ALG1L2: variants seen among roughly 807,000 people sequenced by gnomAD.
The protein encoded by ALG1L2 is ALG1 chitobiosyldiphosphodolichol beta-mannosyltransferase like 2.
Under a neutral mutation model 29.0 loss-of-function variants are expected in ALG1L2, and 32 were observed. The observed-to-expected ratio is 1.10, with a 90% CI of 0.83 to 1.48. The LOEUF (loss-of-function observed/expected upper bound fraction) is 1.48. Among genes scored for constraint, ALG1L2 ranks in the 40% most tolerant of loss-of-function variants. The pLI is 0.00. For missense variants in ALG1L2, 318 were observed against 274.1 expected (o/e 1.16, Z -1.13); for synonymous variants, 110 against 109.5 (o/e 1.00, Z -0.03).
Position 130,094,474 on chromosome 3 carries a change from A to T in ALG1L2, c.385A>T (p.Ile129Phe). ...GCATTTCCAGCACATCCAGGTCTGC[A>T]TCCCCTGGCTGGAGGGCCGAGGACT... ...QKHFQHIQVC[I>F]PWLEGRGLPP... Residue 129 changes from isoleucine to phenylalanine, a missense_variant, in exon 5 of 8, where the codon ATC becomes TTC. Physicochemically the swap from Ile to Phe is conservative, Grantham distance 21 (BLOSUM62 0). Transcript: ENST00000425059. The T allele has an allele frequency of 6.3e-7, 1 of 1,595,888 alleles. No homozygotes were observed. The highest frequency in any genetic ancestry group is 8.5e-7 in the Non-Finnish European group (1 of 1,179,614).
chr3:130,087,694 A>C (rs75223348), intron 1 of ALG1L2, among the ~76,000 whole-genome samples: 642 of 99,810 alleles, frequency 6.4e-3, no homozygotes, highest in Admixed American at 9.9e-3. Context: ...AAGGGTATAA[A>C]GGATGTCTTT....
chr3:130,083,658 C>CTT (rs141314012), intron 1 of ALG1L2, among the ~76,000 whole-genome samples: 1 of 118,678 alleles, frequency 8.4e-6, no homozygotes. Context: ...AAAATGTTAA[C>CTT]TTTTTTTTTA....
Position 130,097,192 on chromosome 3 carries a change from A to G in ALG1L2, c.557A>G (p.Lys186Arg), listed in dbSNP as rs1935158700. ...VNFKCLHELVKHEENRLVFED... is the reference protein window; with the variant it reads ...VNFKCLHELVRHEENRLVFED... ...CTCTGCAGTTTACATGAGCTGGTGA[A>G]ACATGAAGAAAACCGCCTGGTCTTT... The change falls in exon 7 of 8, where the codon AAA becomes AGA. Residue 186 changes from lysine (K) to arginine (R), a missense_variant. By Grantham distance (26) the Lys-to-Arg change is conservative. Transcript: ENST00000425059. 1.2e-6 allele frequency: 2 copies of G among 1,611,938 alleles called. No individual in the cohort carries two copies. Among genetic ancestry groups the G allele is most frequent in the African/African-American group, 1.3e-5 (1 of 74,980 alleles).
At chr3:130,096,006 G>A (rs763441976) in intron 5 of ALG1L2, 43 bp from the exon 6 acceptor site, 23 of 1,440,462 alleles carry the variant, frequency 1.6e-5, no homozygotes, top group Non-Finnish European at 1.9e-5. Context: ...TGTGTTCCCG[G>A]GGCAGAGACC....
At chr3:130,091,774 T>A (rs375156717) in intron 2 of ALG1L2, 3 of 603,662 alleles carry the variant, frequency 5.0e-6, no homozygotes, top group East Asian at 3.6e-5. Context: ...CAGGTCCACA[T>A]ACCCTGAGGT....
At chr3:130,096,221 G>C in intron 6 of ALG1L2, 58 bp downstream of exon 6, 1 of 1,581,280 alleles carries the variant, frequency 6.3e-7, no homozygotes, top group South Asian at 1.1e-5. Context: ...CCGCTGAGGG[G>C]GAAGCAGTGC....
At chr3:130,088,149 T>C (rs1050140410) in intron 1 of ALG1L2, among the ~76,000 whole-genome samples, 2 of 152,244 alleles carry the variant, frequency 1.3e-5, no homozygotes, top group African/African-American at 4.8e-5. Flanking sequence ...AGACGTTGCG[T>C]CAGATCCCTT....
At chr3:130,085,753 C>T (rs1307746971) in intron 1 of ALG1L2, among the ~76,000 whole-genome samples, 5 of 150,836 alleles carry the variant, frequency 3.3e-5, no homozygotes, top group Non-Finnish European at 4.5e-5. Context: ...ATGAATAAGA[C>T]GACCTCCACG....
At chr3:130,089,102 T>G (rs1934955091) in intron 1 of ALG1L2, among the ~76,000 whole-genome samples, 1 of 152,222 alleles carries the variant, frequency 6.6e-6, no homozygotes, top group Admixed American at 6.5e-5. Context: ...TGGCCCTTCA[T>G]AGGACGAAAT....
chr3:130,085,105 C>T (rs138317774), intron 1 of ALG1L2, among the ~76,000 whole-genome samples: 4,469 of 126,614 alleles, frequency 0.035, 559 homozygotes, highest in African/African-American at 0.11. Flanking sequence ...ATTACAGGTG[C>T]CCACCACTGT....
intron 6 of ALG1L2, among the ~76,000 whole-genome samples, chr3:130,096,512 G>A (rs529899771): frequency 2.0e-5 from 3 of 152,100 alleles, no homozygotes; most frequent in African/African-American, 7.2e-5. Flanking sequence ...GAATTGGCGG[G>A]AATTGCCTGC....
chr3:130,097,709 C>T (rs74377193), intron 7 of ALG1L2, among the ~76,000 whole-genome samples: 49,386 of 151,762 alleles, frequency 0.33, 8,630 homozygotes, highest in Middle Eastern at 0.49. Flanking sequence ...GTCATTTAGA[C>T]TGGGTCCCCC....
At chr3:130,084,948 T>TTTTTTTTATTTA (rs1934860000) in intron 1 of ALG1L2, among the ~76,000 whole-genome samples, 2 of 61,228 alleles carry the variant, frequency 3.3e-5, no homozygotes, top group African/African-American at 5.8e-5. Context: ...ATATATATAA[T>TTTTTTTTATTTA]TTTATTTATT....
chr3:130,088,082 C>T lies in ALG1L2; in HGVS notation c.21-3179C>T, dbSNP rs374465706. ...TCTGATCTTGGGGGCCACATGGTGA[C>T]TCAAAACAGGAGCACAGTTGTGGGT... On this transcript the variant is annotated intron_variant, in intron 1 of 7. Coordinates refer to ENST00000425059, the MANE Select transcript of ALG1L2 (RefSeq NM_001136152.1). Among the ~76,000 whole-genome samples, 67 of 152,404 alleles carry T rather than the reference C, an allele frequency of 4.4e-4. No individual in the cohort carries two copies. In the East Asian group the frequency reaches 0.012, roughly 27 times the overall value.
At chr3:130,091,961 C>G in intron 2 of ALG1L2, 140 bp from the exon 3 acceptor site, 2 of 1,388,458 alleles carry the variant, frequency 1.4e-6, no homozygotes, top group East Asian at 2.5e-5. Context: ...CCTCGATTGG[C>G]AGGGGTGGCC....
Position 130,098,289 on chromosome 3 carries a change from C to T in ALG1L2, c.*34C>T. The T allele has an allele frequency of 6.3e-7, 1 of 1,596,430 alleles. No homozygotes were observed. Among genetic ancestry groups the T allele is most frequent in the Non-Finnish European group, 8.5e-7 (1 of 1,179,770 alleles). ...GCAAGCTAAACCAGTTCCGGAAGAA[C>T]CTGCGGGAGTCGCAGCAGCTCTGAT... On this transcript the variant is annotated 3_prime_UTR_variant, in exon 8 of 8. Transcript: ENST00000425059.
intron 3 of ALG1L2, among the ~76,000 whole-genome samples, chr3:130,092,585 C>T (rs1052794400): frequency 3.9e-5 from 6 of 152,026 alleles, no homozygotes; most frequent in South Asian, 4.2e-4. Flanking sequence ...GGAGGTGGGC[C>T]GCCCTGAATC....
At chr3:130,088,089 C>T (rs953029020) in intron 1 of ALG1L2, among the ~76,000 whole-genome samples, 1 of 152,284 alleles carries the variant, frequency 6.6e-6, no homozygotes, top group Non-Finnish European at 1.5e-5. Flanking sequence ...TGACTCAAAA[C>T]AGGAGCACAG....
At chr3:130,094,304 T>G (rs1229236405) in intron 4 of ALG1L2, 99 bp from the exon 5 acceptor site, 3 of 1,459,172 alleles carry the variant, frequency 2.1e-6, no homozygotes, top group Admixed American at 1.7e-5. Context: ...GTGGAGCTTC[T>G]GGGAAAAGGA....
Sources: gnomAD v4.1 joint callset for allele counts (sites outside exome capture counted in the v4.1 genomes callset) on GRCh38, gnomAD v4.1.1 for gene constraint, MANE v1.5 for transcripts, NCBI Gene and HGNC (gene_info 2026-07-23, HGNC 2026-07-21) for gene names.